The following IFT74 variants were observed in gnomAD, a reference collection of about 807,000 sequenced individuals.
The protein encoded by IFT74 is intraflagellar transport 74, also known as intraflagellar transport protein 74 homolog.
A neutral mutation model predicts 96.7 loss-of-function variants in IFT74; 92 were observed. That is an observed-to-expected ratio of 0.95 (90% CI 0.80 to 1.13). The LOEUF (loss-of-function observed/expected upper bound fraction) is 1.13, where lower values mean the gene tolerates loss of function less well. IFT74 is among the 50% of genes most tolerant of loss of function. IFT74 has a pLI of 0.00. For synonymous variants in IFT74, 223 were observed against 213.2 expected (o/e 1.05, Z -0.40); for missense variants, 811 against 698.2 (o/e 1.16, Z -1.82).
intron 1 of IFT74, among the ~76,000 whole-genome samples, chr9:26,950,184 C>A (rs149338102): frequency 2.0e-5 from 3 of 152,060 alleles, no homozygotes; most frequent in Non-Finnish European, 2.9e-5. Context: ...TGGTGGCACG[C>A]GCCTGTAGTC....
intron 8 of IFT74, among the ~76,000 whole-genome samples, chr9:27,006,923 GCCTC>G (rs1828819179): frequency 7.2e-6 from 1 of 138,114 alleles, no homozygotes; most frequent in African/African-American, 2.7e-5. Flanking sequence ...TGCAAGCTCT[GCCTC>G]CCGGGTTGAC....
chr9:27,015,805 A>G (rs553511462), intron 10 of IFT74, among the ~76,000 whole-genome samples: 4 of 152,190 alleles, frequency 2.6e-5, no homozygotes, highest in East Asian at 1.9e-4. Flanking sequence ...TGATAGTACT[A>G]TCTTGTAGAG....
intron 8 of IFT74, among the ~76,000 whole-genome samples, chr9:26,997,317 ATTG>A (rs1415020496): frequency 6.9e-6 from 1 of 145,758 alleles, no homozygotes; most frequent in Non-Finnish European, 1.5e-5. Context: ...TTAAACAGAA[ATTG>A]TTTCCTTTCC....
intron 13 of IFT74, among the ~76,000 whole-genome samples, chr9:27,044,036 A>T (rs891144820): frequency 6.6e-6 from 1 of 152,256 alleles, no homozygotes; most frequent in South Asian, 2.1e-4. Context: ...TTTAACATGG[A>T]TCTTATAAGG....
chr9:27,019,372 A>G (rs1829494187), intron 12 of IFT74, among the ~76,000 whole-genome samples: 1 of 151,926 alleles, frequency 6.6e-6, no homozygotes, highest in Admixed American at 6.6e-5. Context: ...TTTCATATAT[A>G]TGGAATCATT....
intron 3 of IFT74, among the ~76,000 whole-genome samples, chr9:26,978,517 A>C (rs530798451): frequency 5.3e-5 from 8 of 152,300 alleles, no homozygotes; most frequent in Admixed American, 1.3e-4. Context: ...GTGAATATGA[A>C]AATACAGTTT....
Position 27,047,321 on chromosome 9 carries a change from A to C in IFT74, c.1156A>C (p.Lys386Gln). 6.2e-7 allele frequency: 1 copy of C among 1,613,522 alleles called. No individual in the cohort carries two copies. The highest frequency in any genetic ancestry group is 1.1e-5 in the South Asian group (1 of 91,030). The part of the protein sequence containing the change: ...EETKNQELKR[K>Q]AQIEANIVAL... ...AACAAAGAATCAGGAACTGAAACGA[A>C]AGGCACAGATAGAAGCCAACATTGT... Residue 386 changes from lysine to glutamine, a missense_variant, in exon 15 of 20, where the codon AAG becomes CAG. Lys to Gln is a moderately conservative substitution (Grantham distance 53). Transcript: ENST00000380062.
In IFT74 at chr9:27,063,755, A is replaced by G. The variant is rs1272749394; in HGVS notation, c.*1019A>G. Among the ~76,000 whole-genome samples the G allele has an allele frequency of 2.0e-5, 3 of 152,092 alleles. No homozygotes were observed. Among genetic ancestry groups the G allele is most frequent in the Non-Finnish European group, 2.9e-5 (2 of 67,952 alleles). On this transcript the variant is annotated 3_prime_UTR_variant, in exon 20 of 20. Transcript: ENST00000380062. ...TATTTACATACTTTAAAATTTACTC[A>G]TATATGTTGATTTTTAAAAATAAAT...
chr9:27,042,689 C>T (rs531673523), intron 13 of IFT74, among the ~76,000 whole-genome samples: 4 of 152,226 alleles, frequency 2.6e-5, no homozygotes, highest in South Asian at 2.1e-4. Context: ...GTCTAGGATC[C>T]AGGCCTCCCT....
At chr9:27,057,965 A>G (rs1289159819) in intron 18 of IFT74, among the ~76,000 whole-genome samples, 1 of 152,196 alleles carries the variant, frequency 6.6e-6, no homozygotes, top group Non-Finnish European at 1.5e-5. Flanking sequence ...AACCGTTGTT[A>G]ACATTTTGGT....
intron 13 of IFT74, among the ~76,000 whole-genome samples, chr9:27,037,721 C>T (rs1819268905): frequency 6.6e-6 from 1 of 152,180 alleles, no homozygotes; most frequent in Non-Finnish European, 1.5e-5. Context: ...ACCAAGCAAA[C>T]AGTCCCTGGG....
Position 27,022,728 on chromosome 9 carries a change from C to T in IFT74, c.974+4041C>T, listed in dbSNP as rs374125170. Among the ~76,000 whole-genome samples the T allele has an allele frequency of 8.6e-5, 13 of 151,684 alleles. No homozygotes were observed. The South Asian group carries it at 1.3e-3, about 15-fold the overall frequency. ...CGCAATCTTGGCTCACTGCAACCTC[C>T]GCCTCCCGGGTTCAAGCAATTCTTC... is the stretch of plus-strand genomic sequence containing the variant. On this transcript the variant is annotated intron_variant, in intron 12 of 19. Transcript: ENST00000380062.
chr9:26,967,483 G>GT (rs1230348618), intron 2 of IFT74, among the ~76,000 whole-genome samples: 1 of 152,048 alleles, frequency 6.6e-6, no homozygotes, highest in Non-Finnish European at 1.5e-5. Context: ...AGTTCAGATA[G>GT]TTTTTTTGGT....
intron 9 of IFT74, among the ~76,000 whole-genome samples, chr9:27,010,139 C>A (rs1247310053): frequency 1.3e-5 from 2 of 152,000 alleles, no homozygotes; most frequent in East Asian, 3.9e-4. Flanking sequence ...AGGCGCCCGC[C>A]ACCACGCCCG....
chr9:27,032,852 G>A (rs1230884888), intron 13 of IFT74, among the ~76,000 whole-genome samples: 2 of 150,910 alleles, frequency 1.3e-5, no homozygotes, highest in African/African-American at 4.9e-5. Flanking sequence ...GGGCGACAGA[G>A]CAAGACTCCA....
At chr9:26,949,252 C>T (rs1253178227) in intron 1 of IFT74, among the ~76,000 whole-genome samples, 3 of 152,170 alleles carry the variant, frequency 2.0e-5, no homozygotes, top group Non-Finnish European at 4.4e-5. Flanking sequence ...TTAGTTCTCA[C>T]AATAACCCTG....
At chr9:27,010,190 CGT>C (rs1563971561) in intron 9 of IFT74, among the ~76,000 whole-genome samples, 2 of 151,696 alleles carry the variant, frequency 1.3e-5, no homozygotes. Context: ...GGGGTTTCAC[CGT>C]GTTAGTCAGG....
chr9:26,975,167 A>C (rs1827056593), intron 2 of IFT74, among the ~76,000 whole-genome samples: 1 of 152,130 alleles, frequency 6.6e-6, no homozygotes. Flanking sequence ...GGTCAGGGGC[A>C]CTGAGCAGAG....
chr9:27,008,538 T>C (rs1314071320), intron 8 of IFT74, among the ~76,000 whole-genome samples: 1 of 152,096 alleles, frequency 6.6e-6, no homozygotes, highest in African/African-American at 2.4e-5. Context: ...TTTGTACTTT[T>C]AGTAGAGATG....
Sources: allele counts gnomAD v4.1 joint callset (sites outside exome capture counted in the v4.1 genomes callset), GRCh38; gene constraint gnomAD v4.1.1; transcripts MANE v1.5; gene names NCBI Gene and HGNC (gene_info 2026-07-23, HGNC 2026-07-21).